The following PLCZ1 variants were observed in gnomAD, a reference collection of about 807,000 sequenced individuals.
PLCZ1 encodes the protein phospholipase C zeta 1.
Under a neutral mutation model 76.8 loss-of-function variants are expected in PLCZ1, and 64 were observed. That is an observed-to-expected ratio of 0.83 (90% CI 0.68 to 1.03). PLCZ1 has a LOEUF of 1.03. Among genes scored for constraint, PLCZ1 ranks in the 50% least tolerant of loss-of-function variants. The pLI, the probability that PLCZ1 is intolerant of heterozygous loss-of-function variation, is 0.00. For missense variants in PLCZ1, 751 were observed against 713.7 expected (o/e 1.05, Z -0.60); for synonymous variants, 248 against 230.8 (o/e 1.07, Z -0.68).
intron 6 of PLCZ1, among the ~76,000 whole-genome samples, chr12:18,709,032 A>T (rs1357505047): frequency 6.6e-6 from 1 of 151,940 alleles, no homozygotes; most frequent in South Asian, 2.1e-4. Context: ...AGTCCCAGTT[A>T]TTTATTTTTG....
chr12:18,658,975 T>C, the PLCZ1 span, among the ~76,000 whole-genome samples: 89 of 152,282 alleles, frequency 5.8e-4, no homozygotes, highest in African/African-American at 2.1e-3. Context: ...ATTATAATCA[T>C]GCAAGGAATA....
At position 18,684,042 on chromosome 12, in the gene PLCZ1, G is replaced by A. The variant is rs1952718323; in HGVS notation, c.1741+88C>T. Reference sequence around the variant, plus strand: ...TTCCTTTACATCCTACTTTATGATAGAGCTATTTGGTATGTCAAAATGTGT... The same window carrying A: ...TTCCTTTACATCCTACTTTATGATAAAGCTATTTGGTATGTCAAAATGTGT... On this transcript the variant is annotated intron_variant, in intron 14 of 14. Transcript: ENST00000266505. 4 of 1,425,542 alleles carry A rather than the reference G, an allele frequency of 2.8e-6. No homozygotes were observed. In the South Asian group the frequency reaches 4.8e-5, roughly 17 times the overall value. The allele number at this position is 1,425,542 out of a possible 1,614,324, so 88.3% of individuals were successfully genotyped here. A position where few individuals can be genotyped will look rare whatever the true frequency, so the allele number is the denominator to read the frequency against.
At chr12:18,663,306 G>A in the PLCZ1 span, among the ~76,000 whole-genome samples, 188 of 152,120 alleles carry the variant, frequency 1.2e-3, 4 homozygotes, top group East Asian at 0.024. Context: ...CAGATAATAC[G>A]ATCCTGTTTT....
rs761395578 is a variant in PLCZ1, at chr12:18,719,513, C to T, written c.487G>A (p.Asp163Asn). The change falls in exon 5 of 15, where the codon GAT becomes AAT. Residue 163 changes from aspartate (D) to asparagine (N), a missense_variant. Physicochemically the swap from Asp to Asn is conservative, Grantham distance 23 (BLOSUM62 1). Coordinates refer to ENST00000266505, the MANE Select transcript of PLCZ1 (RefSeq NM_033123.4). ...VYQDMTHPLNDYFISSSHNTY... is the reference protein window; with the variant it reads ...VYQDMTHPLNNYFISSSHNTY... ...TTATGTGAAGATGAAATAAAATAAT[C>T]ATTTAATGGATGAGTCATATCTTGA... The T allele has an allele frequency of 2.5e-6, 4 of 1,585,154 alleles. No homozygotes were observed. The African/African-American group carries it at 5.4e-5, about 21-fold the overall frequency.
chr12:18,650,702 G>C, the PLCZ1 span, among the ~76,000 whole-genome samples: 3 of 27,696 alleles, frequency 1.1e-4, no homozygotes, highest in Non-Finnish European at 2.3e-4. Context: ...GTGTGTGTGT[G>C]TGTATATATC....
At chr12:18,733,063 A>G (rs1324004492) in intron 3 of PLCZ1, among the ~76,000 whole-genome samples, 2 of 152,138 alleles carry the variant, frequency 1.3e-5, no homozygotes, top group Non-Finnish European at 2.9e-5. Flanking sequence ...ACCAGTTTGC[A>G]TTCACACCAA....
At chr12:18,648,405 C>A in the PLCZ1 span, 1 of 214,420 alleles carries the variant, frequency 4.7e-6, no homozygotes, top group Non-Finnish European at 9.4e-6. Flanking sequence ...TAAACCTCAT[C>A]AATTAATTCA....
At chr12:18,699,746 A>T (rs770471279) in intron 10 of PLCZ1, 48 bp downstream of exon 10, 53 of 1,542,250 alleles carry the variant, frequency 3.4e-5, no homozygotes, top group Middle Eastern at 1.7e-4. Context: ...CCTAGCAGTG[A>T]ATCTAACTCA....
At position 18,700,033 on chromosome 12, in the gene PLCZ1, C is replaced by A. The variant is rs549457401; in HGVS notation, c.1018-83G>T. 2.4e-4 allele frequency: 263 copies of A among 1,109,042 alleles called. 6 individuals are homozygous for A. In the South Asian group the frequency reaches 3.4e-3, roughly 14 times the overall value. 68.7% of individuals were successfully genotyped at this position (1,109,042 alleles called of 1,614,324 possible). A position where few individuals can be genotyped will look rare whatever the true frequency, so the allele number is the denominator to read the frequency against. On this transcript the variant is annotated intron_variant, in intron 9 of 14. Coordinates refer to ENST00000266505, the MANE Select transcript of PLCZ1 (RefSeq NM_033123.4). ...TTTTCTAGTAAAGAAAATACACTTTCAAACAAATGATTTTCATCTTTTCAT... is the reference window on the plus strand; with the variant it reads ...TTTTCTAGTAAAGAAAATACACTTTAAAACAAATGATTTTCATCTTTTCAT...
chr12:18,723,804 A>G (rs910670277), intron 3 of PLCZ1, among the ~76,000 whole-genome samples: 3 of 152,102 alleles, frequency 2.0e-5, no homozygotes, highest in Non-Finnish European at 2.9e-5. Context: ...TTGTCTTTCA[A>G]TTTCACATTT....
the PLCZ1 span, among the ~76,000 whole-genome samples, chr12:18,652,887 A>G: frequency 5.3e-3 from 813 of 152,168 alleles, 9 homozygotes; most frequent in African/African-American, 0.019. Flanking sequence ...CATTGAACAT[A>G]TACATATATA....
chr12:18,693,244 T>C (rs1167032672), intron 12 of PLCZ1: 65 of 1,551,118 alleles, frequency 4.2e-5, no homozygotes, highest in Middle Eastern at 1.7e-4. Context: ...AACCACAAGG[T>C]GCATACCATG....
At chr12:18,715,296 GAA>G (rs527699636) in intron 5 of PLCZ1, among the ~76,000 whole-genome samples, 181 of 151,178 alleles carry the variant, frequency 1.2e-3, no homozygotes, top group African/African-American at 3.9e-3. Flanking sequence ...GCTTTAGAGA[GAA>G]AGAGAATTGG....
chr12:18,705,615 C>T (rs576398882), intron 6 of PLCZ1, among the ~76,000 whole-genome samples: 2 of 152,220 alleles, frequency 1.3e-5, no homozygotes, highest in South Asian at 2.1e-4. Flanking sequence ...ACTGTAATCC[C>T]AGCACTTTGG....
intron 3 of PLCZ1, among the ~76,000 whole-genome samples, chr12:18,729,441 C>T (rs943516325): frequency 6.6e-5 from 10 of 151,950 alleles, no homozygotes; most frequent in Admixed American, 5.3e-4. Flanking sequence ...CTTTTTCTGC[C>T]CTTAAAAGAA....
chr12:18,728,073 C>T (rs1017453460), intron 3 of PLCZ1, among the ~76,000 whole-genome samples: 7 of 152,030 alleles, frequency 4.6e-5, no homozygotes, highest in South Asian at 2.1e-4. Flanking sequence ...GAGGGAAAGA[C>T]GAGTTTCACT....
chr12:18,685,867 C>CACAT (rs1386258551), intron 13 of PLCZ1, among the ~76,000 whole-genome samples: 1 of 144,600 alleles, frequency 6.9e-6, no homozygotes, highest in African/African-American at 2.5e-5. Flanking sequence ...CACACACACA[C>CACAT]ACATACAATA....
intron 3 of PLCZ1, chr12:18,730,944 T>C (rs1273677413): frequency 1.3e-5 from 2 of 152,182 alleles, no homozygotes; most frequent in Admixed American, 6.6e-5. Context: ...CATAAAAACT[T>C]GTGTTCTTTG....
Position 18,736,143 on chromosome 12 carries a change from A to G in PLCZ1, c.135+78T>C, listed in dbSNP as rs1021225355. The G allele has an allele frequency of 1.9e-5, 28 of 1,510,928 alleles. 1 individual carries two copies. The African/African-American group carries it at 3.6e-4, about 19-fold the overall frequency. The allele number at this position is 1,510,928 out of a possible 1,614,324, so 93.6% of individuals were successfully genotyped here. On this transcript the variant is annotated intron_variant, in intron 3 of 14. Transcript: ENST00000266505. ...TAATTGCTTTTCTTCTTAAGAGACT[A>G]ACCTTTATATGACAATTACTGACAT...
Sources: gnomAD v4.1 joint callset for allele counts (sites outside exome capture counted in the v4.1 genomes callset) on GRCh38, gnomAD v4.1.1 for gene constraint, MANE v1.5 for transcripts, NCBI Gene and HGNC (gene_info 2026-07-23, HGNC 2026-07-21) for gene names.